GREM2: variants seen among roughly 807,000 people sequenced by gnomAD.
GREM2 encodes the protein gremlin-2.
In GREM2, 11 loss-of-function variants were observed where a neutral mutation model predicts 14.2. The observed-to-expected ratio is 0.78, with a 90% CI of 0.49 to 1.28. The LOEUF is 1.28. Among genes scored for constraint, GREM2 ranks in the 50% most tolerant of loss-of-function variants. The pLI is 0.00. For missense variants in GREM2, 210 were observed against 218.5 expected, an observed-to-expected ratio of 0.96 and a Z score of 0.24; for synonymous variants, 98 against 97.6, an observed-to-expected ratio of 1.00 and a Z score of -0.02.
chr1:240,547,865 C>G (rs141099537), intron 1 of GREM2, among the ~76,000 whole-genome samples: 2 of 151,950 alleles, frequency 1.3e-5, no homozygotes, highest in Admixed American at 6.6e-5. Context: ...AAAATGCTGA[C>G]TAGCCAGCTA....
rs567477781 is a variant in GREM2 at position 240,526,118 on chromosome 1, C to T, written c.-1-32642G>A. On this transcript the variant is annotated intron_variant, in intron 1 of 1. Coordinates refer to ENST00000318160, the MANE Select transcript of GREM2 (RefSeq NM_022469.4). ...TAATCTCTCCATCTGAGGTCCTTAA[C>T]TGAATCATATCTACAAAGTCCCTTT... 2.3e-4 allele frequency among the ~76,000 whole-genome samples: 35 copies of T among 152,258 alleles called. No homozygotes were observed. In the East Asian group the frequency reaches 6.2e-3, roughly 27 times the overall value.
intron 1 of GREM2, among the ~76,000 whole-genome samples, chr1:240,591,048 G>T (rs543186236): frequency 2.6e-5 from 4 of 152,106 alleles, no homozygotes; most frequent in Non-Finnish European, 5.9e-5. Context: ...CCGAAGTGCT[G>T]GGATTACAGG....
intron 1 of GREM2, among the ~76,000 whole-genome samples, chr1:240,520,915 A>C (rs1678070170): frequency 2.0e-5 from 3 of 149,092 alleles, no homozygotes; most frequent in Admixed American, 2.0e-4. Context: ...TCATGGGCAA[A>C]AAAAAAAAAA....
At chr1:240,508,119 C>G (rs1283933309) in intron 1 of GREM2, among the ~76,000 whole-genome samples, 1 of 152,138 alleles carries the variant, frequency 6.6e-6, no homozygotes, top group Non-Finnish European at 1.5e-5. Flanking sequence ...CTCCAAATAC[C>G]TAACTTACTA....
chr1:240,563,110 TGTGTATATGTGA>T (rs1200119110), intron 1 of GREM2, among the ~76,000 whole-genome samples: 1 of 151,282 alleles, frequency 6.6e-6, no homozygotes, highest in Non-Finnish European at 1.5e-5. Flanking sequence ...TGTGTGTATG[TGTGTATATGTGA>T]GTGTGTATGT....
intron 1 of GREM2, among the ~76,000 whole-genome samples, chr1:240,527,353 A>T (rs1220209580): frequency 6.6e-6 from 1 of 152,210 alleles, no homozygotes; most frequent in African/African-American, 2.4e-5. Context: ...CTGCATAAAG[A>T]TAATTAGGGC....
intron 1 of GREM2, among the ~76,000 whole-genome samples, chr1:240,551,343 T>G (rs1038962286): frequency 1.4e-4 from 22 of 152,260 alleles, no homozygotes; most frequent in Admixed American, 1.2e-3. Flanking sequence ...CTTGTGTTTT[T>G]TTTTGTTTTG....
chr1:240,562,900 G>C (rs1679081211), intron 1 of GREM2, among the ~76,000 whole-genome samples: 1 of 150,930 alleles, frequency 6.6e-6, no homozygotes, highest in Non-Finnish European at 1.5e-5. Context: ...GTGTGTATGT[G>C]TGTATGTATG....
At chr1:240,528,308 T>TCAAGGGAC (rs1678270783) in intron 1 of GREM2, among the ~76,000 whole-genome samples, 1 of 152,152 alleles carries the variant, frequency 6.6e-6, no homozygotes, top group South Asian at 2.1e-4. Flanking sequence ...AGAGACAAGT[T>TCAAGGGAC]CAAGGGACTT....
chr1:240,511,851 T>A (rs1031424357), intron 1 of GREM2, among the ~76,000 whole-genome samples: 1 of 152,154 alleles, frequency 6.6e-6, no homozygotes, highest in Non-Finnish European at 1.5e-5. Context: ...AATGACTGTA[T>A]CTGTTTAGGA....
At chr1:240,514,348 C>T (rs1677904242) in intron 1 of GREM2, among the ~76,000 whole-genome samples, 1 of 150,338 alleles carries the variant, frequency 6.7e-6, no homozygotes, top group Non-Finnish European at 1.5e-5. Flanking sequence ...GTAAGCAAGA[C>T]TAGAGGAAGA....
intron 1 of GREM2, among the ~76,000 whole-genome samples, chr1:240,507,271 G>A (rs1381038400): frequency 6.6e-6 from 1 of 151,852 alleles, no homozygotes; most frequent in Non-Finnish European, 1.5e-5. Flanking sequence ...CTTCCTGCCT[G>A]CCTTCCTGCC....
intron 1 of GREM2, among the ~76,000 whole-genome samples, chr1:240,592,974 A>T (rs1369158585): frequency 2.2e-5 from 3 of 135,768 alleles, no homozygotes; most frequent in African/African-American, 8.5e-5. Context: ...TCTCTATTAA[A>T]ACTACAAAAA....
chr1:240,603,390 C>G (rs1362528648), intron 1 of GREM2, among the ~76,000 whole-genome samples: 2 of 152,152 alleles, frequency 1.3e-5, no homozygotes, highest in African/African-American at 2.4e-5. Flanking sequence ...CTCCTCTTCT[C>G]TTTCTCTTGA....
intron 1 of GREM2, among the ~76,000 whole-genome samples, chr1:240,537,009 A>C (rs1044130922): frequency 6.6e-6 from 1 of 152,236 alleles, no homozygotes; most frequent in Non-Finnish European, 1.5e-5. Context: ...GGAATGACCA[A>C]TTAATTCCTA....
intron 1 of GREM2, among the ~76,000 whole-genome samples, chr1:240,504,178 T>A (rs545702164): frequency 1.6e-4 from 25 of 152,302 alleles, no homozygotes; most frequent in African/African-American, 4.8e-4. Context: ...AAAAATGGAA[T>A]ATTTGAAAAA....
chr1:240,555,095 AG>A (rs1446957105), intron 1 of GREM2, among the ~76,000 whole-genome samples: 1 of 152,142 alleles, frequency 6.6e-6, no homozygotes, highest in Non-Finnish European at 1.5e-5. Flanking sequence ...CAGTGAGCTG[AG>A]ATCGTACCAT....
chr1:240,531,053 CA>C (rs1301569319), intron 1 of GREM2, among the ~76,000 whole-genome samples: 1 of 152,158 alleles, frequency 6.6e-6, no homozygotes, highest in Non-Finnish European at 1.5e-5. Flanking sequence ...GTTAAATCTT[CA>C]ATCAGATTTG....
intron 1 of GREM2, among the ~76,000 whole-genome samples, chr1:240,523,955 T>G (rs2103306680): frequency 6.6e-6 from 1 of 152,384 alleles, no homozygotes; most frequent in African/African-American, 2.4e-5. Context: ...ACTTTTGATT[T>G]ATTTAACATC....
Sources: gnomAD v4.1 joint callset for allele counts (sites outside exome capture counted in the v4.1 genomes callset) on GRCh38, gnomAD v4.1.1 for gene constraint, MANE v1.5 for transcripts, NCBI Gene and HGNC (gene_info 2026-07-23, HGNC 2026-07-21) for gene names.